Variants in MFN2 observed in about 807,000 individuals in gnomAD.
The protein encoded by MFN2 is mitofusin 2, also known as mitofusin-2.
Under a neutral mutation model 87.5 loss-of-function variants are expected in MFN2, and 43 were observed. The ratio of observed to expected loss-of-function variants is 0.49; its 90% CI spans 0.38 to 0.63. The LOEUF (loss-of-function observed/expected upper bound fraction) is 0.63, where lower values mean the gene tolerates loss of function less well. MFN2 is among the 30% of genes least tolerant of loss of function. The pLI, the probability that MFN2 is intolerant of heterozygous loss-of-function variation, is 0.00. For missense variants in MFN2, 743 were observed against 972.8 expected (o/e 0.76, Z 3.14); for synonymous variants, 337 against 359.9 (o/e 0.94, Z 0.72).
intron 3 of MFN2, among the ~76,000 whole-genome samples, chr1:11,990,633 G>A (rs540248382): frequency 6.6e-6 from 1 of 152,334 alleles, no homozygotes; most frequent in South Asian, 2.1e-4. Flanking sequence ...TTAAATGGAA[G>A]GGAAAGAGCT....
At chr1:12,010,437 G>A (rs906797274) in intron 18 of MFN2, among the ~76,000 whole-genome samples, 1 of 152,142 alleles carries the variant, frequency 6.6e-6, no homozygotes, top group Non-Finnish European at 1.5e-5. Context: ...GGCTAGGAGG[G>A]GAGCCCAGGT....
At chr1:11,981,762 G>T (rs1231692390) in intron 1 of MFN2, 1 of 152,290 alleles carries the variant, frequency 6.6e-6, no homozygotes, top group Non-Finnish European at 1.5e-5. Flanking sequence ...GGCGGAATAC[G>T]TGTGCACAGT....
At chr1:11,994,916 G>A (rs1254022543) in intron 4 of MFN2, among the ~76,000 whole-genome samples, 1 of 152,160 alleles carries the variant, frequency 6.6e-6, no homozygotes, top group East Asian at 1.9e-4. Context: ...CTGAGACTCA[G>A]AGCAGATGAG....
chr1:11,990,534 T>C (rs1312462727), intron 3 of MFN2, among the ~76,000 whole-genome samples: 2 of 152,192 alleles, frequency 1.3e-5, no homozygotes, highest in East Asian at 3.8e-4. Flanking sequence ...TCAGATGATG[T>C]GGTGGACAAA....
chr1:12,009,125 G>A (rs1255487513), intron 17 of MFN2, among the ~76,000 whole-genome samples: 4 of 152,340 alleles, frequency 2.6e-5, no homozygotes, highest in African/African-American at 7.2e-5. Flanking sequence ...AGGCAGGGAG[G>A]TTGCAGTGAG....
chr1:12,001,931 T>G lies in MFN2; in HGVS notation c.1039-51T>G, dbSNP rs1043350112. 2.5e-6 allele frequency: 4 copies of G among 1,614,022 alleles called. No individual in the cohort carries two copies. In the African/African-American group the frequency reaches 5.3e-5, roughly 22 times the overall value. On this transcript the variant is annotated intron_variant, in intron 10 of 18. Coordinates refer to ENST00000235329, the MANE Select transcript of MFN2 (RefSeq NM_014874.4). ...GTGAAAACCAGAGTCTGGCCCTTGG[T>G]TGTAGGCCCCTGGTGGCCCCCACCT...
intron 5 of MFN2, among the ~76,000 whole-genome samples, chr1:11,997,038 CAAAAAAA>C (rs35141271): frequency 5.0e-5 from 5 of 99,816 alleles, no homozygotes; most frequent in Non-Finnish European, 8.4e-5. Flanking sequence ...GACTCCGTCT[CAAAAAAA>C]AAAAAAAAAA....
At chr1:12,008,722 G>C (rs1376274372) in intron 17 of MFN2, among the ~76,000 whole-genome samples, 1 of 152,012 alleles carries the variant, frequency 6.6e-6, no homozygotes, top group Non-Finnish European at 1.5e-5. Flanking sequence ...TCACTTCCCA[G>C]AGTGGGCAGC....
intron 3 of MFN2, among the ~76,000 whole-genome samples, chr1:11,992,085 GA>G (rs1638710576): frequency 6.6e-6 from 1 of 152,136 alleles, no homozygotes; most frequent in African/African-American, 2.4e-5. Flanking sequence ...TTTGAAAAGT[GA>G]AAGGAACAGT....
chr1:12,001,767 AG>A lies in MFN2; in HGVS notation c.974del, dbSNP rs1286723655. 1.2e-6 allele frequency: 2 copies of A among 1,614,054 alleles called. No homozygotes were observed. The highest frequency in any genetic ancestry group is 1.7e-6 in the Non-Finnish European group (2 of 1,179,966). On this transcript the variant is annotated splice_acceptor_variant, in intron 9 of 18. Transcript: ENST00000235329. LOFTEE classifies it high-confidence loss of function. ...TGGACTAATGCAGTACAATCCTCCT[AG>A]GGGGCGCTCTCGCAGAAGGCTTTCA...
intron 4 of MFN2, 113 bp downstream of exon 4, chr1:11,992,803 T>C: frequency 7.9e-7 from 1 of 1,262,740 alleles, no homozygotes; most frequent in Non-Finnish European, 1.1e-6. Flanking sequence ...ATTCATTGCT[T>C]TCCTCTTAAT....
At chr1:12,006,013 G>T (rs986257963) in intron 15 of MFN2, 82 bp downstream of exon 15, 23 of 1,383,050 alleles carry the variant, frequency 1.7e-5, no homozygotes, top group Non-Finnish European at 2.4e-5. Context: ...ATTCTAAAAC[G>T]GGGGTTCCCT....
rs1453270548 is a variant in MFN2, at chr1:12,013,508, C to T, written c.*1943C>T. On this transcript the variant is annotated 3_prime_UTR_variant, in exon 19 of 19. Transcript: ENST00000235329. ...CTAAAATAAAACCTAGTTGGAAATC[C>T]TTTGTGAGATCTGTCTTTTTGGGTT... is the stretch of plus-strand genomic sequence containing the variant. The T allele has an allele frequency of 2.7e-6, 1 of 374,596 alleles. No individual in the cohort carries two copies. The highest frequency in any genetic ancestry group is 5.4e-6 in the Non-Finnish European group (1 of 183,834). 23.2% of individuals were successfully genotyped at this position (374,596 alleles called of 1,614,324 possible). A position where few individuals can be genotyped will look rare whatever the true frequency, so the allele number is the denominator to read the frequency against.
chr1:12,009,815 G>A lies in MFN2; in HGVS notation c.2204+89G>A, dbSNP rs949509529. ...CAGCTGCTGGGCTTGCGTCTTGGGTGTGGACACAAATTTTTCTGGTGGGGA... is the reference window on the plus strand; with the variant it reads ...CAGCTGCTGGGCTTGCGTCTTGGGTATGGACACAAATTTTTCTGGTGGGGA... On this transcript the variant is annotated intron_variant, in intron 18 of 18. Transcript: ENST00000235329. 2.0e-5 allele frequency: 32 copies of A among 1,589,130 alleles called. No homozygotes were observed. The Middle Eastern group carries it at 5.2e-4, about 26-fold the overall frequency.
Position 11,981,965 on chromosome 1 carries a change from A to G in MFN2, c.-149-5A>G, listed in dbSNP as rs1410989181. 1 of 132,278 alleles carries G rather than the reference A, an allele frequency of 7.6e-6. No individual in the cohort carries two copies. Among genetic ancestry groups the G allele is most frequent in the Admixed American group, 7.6e-5 (1 of 13,208 alleles). 8.2% of individuals were successfully genotyped at this position (132,278 alleles called of 1,614,324 possible). ...GGATCCATCTCCCTTTTCTTTTCTA[A>G]TAAGTCAGGACTGGTGGAGTCAACA... is the stretch of plus-strand genomic sequence containing the variant. On this transcript the variant is annotated splice_polypyrimidine_tract_variant and splice_region_variant and intron_variant, in intron 1 of 18. Coordinates refer to ENST00000235329, the MANE Select transcript of MFN2 (RefSeq NM_014874.4).
chr1:11,991,578 T>C (rs1638676683), intron 3 of MFN2, among the ~76,000 whole-genome samples: 1 of 151,882 alleles, frequency 6.6e-6, no homozygotes, highest in South Asian at 2.1e-4. Flanking sequence ...AGGGAGACCG[T>C]GAGGCAGCGG....
rs1262941514 is a variant in MFN2 at position 11,992,615 on chromosome 1, A to G, written c.236A>G (p.Lys79Arg). ...VTTEEQVLDV[K>R]GYLSKVRGIS... Reference sequence around the variant, plus strand: ...ACAGAAGAACAGGTTCTGGACGTCAAAGGTTACCTATCCAAAGTGAGAGGC... The same window carrying G: ...ACAGAAGAACAGGTTCTGGACGTCAGAGGTTACCTATCCAAAGTGAGAGGC... The change falls in exon 4 of 19, where the codon AAA (lysine) becomes AGA (arginine). Residue 79 changes from lysine (K) to arginine (R), a missense_variant. By Grantham distance (26) the Lys-to-Arg change is conservative. Transcript: ENST00000235329. 1.1e-5 allele frequency: 18 copies of G among 1,614,194 alleles called. 1 individual carries two copies. The highest frequency in any genetic ancestry group is 6.7e-5 in the East Asian group (3 of 44,884).
Position 11,989,281 on chromosome 1 carries a change from A to T in MFN2, c.113A>T (p.Lys38Met), listed in dbSNP as rs1157741525. ...AAGCACTTTGTCACTGCCAAGAAGAAGATCAATGGCATTTTTGAGCAGCTG... is the reference window on the plus strand; with the variant it reads ...AAGCACTTTGTCACTGCCAAGAAGATGATCAATGGCATTTTTGAGCAGCTG... ...PLKHFVTAKK[K>M]INGIFEQLGA... Residue 38 changes from lysine to methionine, a missense_variant, in exon 3 of 19, where the codon AAG (lysine) becomes ATG (methionine). Physicochemically the swap from Lys to Met is moderately conservative, Grantham distance 95. This residue lies in a region of MFN2 where 141 missense variants were observed against 278.9 expected (regional missense o/e 0.51). Coordinates refer to ENST00000235329, the MANE Select transcript of MFN2 (RefSeq NM_014874.4). 10 of 1,614,002 alleles carry T rather than the reference A, an allele frequency of 6.2e-6. No homozygotes were observed. Among genetic ancestry groups the T allele is most frequent in the Non-Finnish European group, 8.5e-6 (10 of 1,180,042 alleles).
At chr1:11,999,909 G>A (rs981266238) in intron 8 of MFN2, among the ~76,000 whole-genome samples, 13 of 151,698 alleles carry the variant, frequency 8.6e-5, no homozygotes, top group East Asian at 8.1e-4. Context: ...CCTGGCTAAC[G>A]TGGTGAAACC....
Sources: allele counts gnomAD v4.1 joint callset (sites outside exome capture counted in the v4.1 genomes callset), GRCh38; gene constraint gnomAD v4.1.1; regional missense constraint gnomAD v4.1.1; transcripts MANE v1.5; gene names NCBI Gene and HGNC (gene_info 2026-07-23, HGNC 2026-07-21).